OR2A12: variants seen among roughly 807,000 people sequenced by gnomAD.
OR2A12 encodes the protein olfactory receptor 2A12.
For missense variants in OR2A12, 380 were observed against 372.5 expected (o/e 1.02, Z -0.17); for synonymous variants, 153 against 149.3 (o/e 1.02, Z -0.18).
chr7:144,097,334 A>T lies in OR2A12; in HGVS notation c.*1294A>T, dbSNP rs1258160731. On this transcript the variant is annotated 3_prime_UTR_variant, in exon 2 of 2. Transcript: ENST00000641592. ...CAAAAGCTCTAAAGAGACAATTAAA[A>T]ATTTATTGAGAGACTATGGTAAATA... is the stretch of plus-strand genomic sequence containing the variant. The T allele has an allele frequency of 6.6e-6, 1 of 152,180 alleles. No homozygotes were observed. The highest frequency in any genetic ancestry group is 1.5e-5 in the Non-Finnish European group (1 of 68,026). The allele number at this position is 152,180 out of a possible 1,614,324, so 9.4% of individuals were successfully genotyped here.
chr7:144,090,077 A>G (rs1039281202), intron 1 of OR2A12, among the ~76,000 whole-genome samples: 4 of 152,154 alleles, frequency 2.6e-5, no homozygotes, highest in Admixed American at 2.6e-4. Context: ...AAAATTGTGG[A>G]ATGACAGCTT....
intron 1 of OR2A12, among the ~76,000 whole-genome samples, chr7:144,087,934 C>A (rs2051198440): frequency 1.3e-5 from 2 of 152,200 alleles, no homozygotes; most frequent in Non-Finnish European, 2.9e-5. Flanking sequence ...GGATAGCCAA[C>A]CGACACAGCA....
intron 1 of OR2A12, among the ~76,000 whole-genome samples, chr7:144,094,369 T>G (rs1360572389): frequency 6.6e-6 from 1 of 152,196 alleles, no homozygotes; most frequent in Non-Finnish European, 1.5e-5. Context: ...TTAAAACTTC[T>G]TTCATGGCCC....
chr7:144,088,726 A>C (rs928418042), intron 1 of OR2A12, among the ~76,000 whole-genome samples: 1 of 152,352 alleles, frequency 6.6e-6, no homozygotes, highest in Non-Finnish European at 1.5e-5. Context: ...TAATTTTAAT[A>C]GTTCATTGAT....
rs371662126 is a variant in OR2A12 at position 144,095,207 on chromosome 7, T to C, written c.100T>C (p.Tyr34His). 130 of 1,614,006 alleles carry C rather than the reference T, an allele frequency of 8.1e-5. No homozygotes were observed. The East Asian group carries it at 2.6e-3, about 32-fold the overall frequency. The change falls in exon 2 of 2, where the codon TAC (tyrosine) becomes CAC (histidine). Residue 34 changes from tyrosine to histidine, a missense_variant. Coordinates refer to ENST00000641592, the MANE Select transcript of OR2A12 (RefSeq NM_001004135.2). ...CCTCTTTGGGTTTTTCTTGCTATTC[T>C]ACAGCTTAACCCTGATGGGAAATGG... Reference protein sequence around the residue: ...LFLFGFFLLFYSLTLMGNGII... With the variant: ...LFLFGFFLLFHSLTLMGNGII...
chr7:144,095,987 G>A lies in OR2A12; in HGVS notation c.880G>A (p.Ala294Thr). Residue 294 changes from alanine (A) to threonine (T), a missense_variant, in exon 2 of 2, where the codon GCA becomes ACA. By Grantham distance (58) the Ala-to-Thr change is moderately conservative. Coordinates refer to ENST00000641592, the MANE Select transcript of OR2A12 (RefSeq NM_001004135.2). ...CCCCCTCATCTACAGCCTTAGGAAT[G>A]CAGAGGTGAAAGGGGCTCTAAAGAG... ...LNPLIYSLRN[A>T]EVKGALKRVL... 6.2e-7 allele frequency: 1 copy of A among 1,613,172 alleles called. No homozygotes were observed. Among genetic ancestry groups the A allele is most frequent in the Non-Finnish European group, 8.5e-7 (1 of 1,179,580 alleles).
chr7:144,095,535 T>C lies in OR2A12; in HGVS notation c.428T>C (p.Leu143Pro). ...LIMNWRVCTV[L>P]ASTCWIFSFL... ...ATGAACTGGAGAGTGTGCACTGTCCTGGCCTCAACTTGCTGGATATTTAGC... is the reference window on the plus strand; with the variant it reads ...ATGAACTGGAGAGTGTGCACTGTCCCGGCCTCAACTTGCTGGATATTTAGC... The change falls in exon 2 of 2, where the codon CTG becomes CCG. Residue 143 changes from leucine to proline, a missense_variant. Leu to Pro is a moderately conservative substitution (Grantham distance 98). Transcript: ENST00000641592. 1.2e-6 allele frequency: 2 copies of C among 1,614,138 alleles called. No individual in the cohort carries two copies.
At chr7:144,093,417 T>C (rs1033301209) in intron 1 of OR2A12, among the ~76,000 whole-genome samples, 2 of 152,184 alleles carry the variant, frequency 1.3e-5, no homozygotes, top group Admixed American at 6.5e-5. Flanking sequence ...ACACAACTTC[T>C]TCCCTTTAAT....
intron 1 of OR2A12, among the ~76,000 whole-genome samples, chr7:144,089,297 T>C (rs1165218146): frequency 1.3e-5 from 2 of 151,956 alleles, no homozygotes; most frequent in Non-Finnish European, 2.9e-5. Context: ...TTAATCTCGG[T>C]GTGGGGGTGT....
At chr7:144,088,006 T>C (rs891557382) in intron 1 of OR2A12, among the ~76,000 whole-genome samples, 1 of 152,154 alleles carries the variant, frequency 6.6e-6, no homozygotes, top group African/African-American at 2.4e-5. Flanking sequence ...GTGCATATTC[T>C]TCTGGATTTT....
In OR2A12 at chr7:144,090,961, C is replaced by G. The variant is rs537154073; in HGVS notation, c.-51-4096C>G. 8.5e-5 allele frequency among the ~76,000 whole-genome samples: 13 copies of G among 152,222 alleles called. No homozygotes were observed. The South Asian group carries it at 2.7e-3, about 32-fold the overall frequency. On this transcript the variant is annotated intron_variant, in intron 1 of 1. Transcript: ENST00000641592. ...TTTAATATTTAGGTTGATTCCATGT[C>G]TTTACTATTACGAATAGTGCTGCAG...
Position 144,095,890 on chromosome 7 carries a change from C to T in OR2A12, c.783C>T (p.Pro261=). 6.2e-7 allele frequency: 1 copy of T among 1,614,120 alleles called. No individual in the cohort carries two copies. Among genetic ancestry groups the T allele is most frequent in the Non-Finnish European group, 8.5e-7 (1 of 1,180,020 alleles). ...GCGCCATTGTCATGTACATGGCCCC[C>T]AAGTCAAGCCATTCTCAAGAACGGA... ...FGSAIVMYMA[P]KSSHSQERRK... Residue 261 remains proline (P), a synonymous_variant, in exon 2 of 2, where the codon CCC becomes CCT. Transcript: ENST00000641592.
In OR2A12 at chr7:144,096,300, C is replaced by CA. The variant is rs1176239273; in HGVS notation, c.*265dup. The CA allele has an allele frequency of 5.3e-5, 13 of 245,058 alleles. No individual in the cohort carries two copies. Among genetic ancestry groups the CA allele is most frequent in the Admixed American group, 1.5e-4 (3 of 19,964 alleles). The allele number at this position is 245,058 out of a possible 1,614,324, so 15.2% of individuals were successfully genotyped here. On this transcript the variant is annotated 3_prime_UTR_variant, in exon 2 of 2. Coordinates refer to ENST00000641592, the MANE Select transcript of OR2A12 (RefSeq NM_001004135.2). ...CGAAACACTGTCTCTATTAAAAATA[C>CA]AAAAATTAGCCGGGCGTGCTGGTGG... is the stretch of plus-strand genomic sequence containing the variant.
intron 1 of OR2A12, among the ~76,000 whole-genome samples, chr7:144,093,334 G>A (rs1005533472): frequency 6.6e-6 from 1 of 152,004 alleles, no homozygotes; most frequent in African/African-American, 2.4e-5. Context: ...TCTCTAAGTG[G>A]TGCTTTCAAA....
chr7:144,087,767 G>A (rs369722884), intron 1 of OR2A12, among the ~76,000 whole-genome samples: 3 of 152,232 alleles, frequency 2.0e-5, no homozygotes, highest in East Asian at 3.9e-4. Flanking sequence ...TTTCAGTGTG[G>A]ATTGTTTAAG....
intron 1 of OR2A12, among the ~76,000 whole-genome samples, chr7:144,087,253 G>T (rs2051193691): frequency 6.6e-6 from 1 of 152,084 alleles, no homozygotes; most frequent in African/African-American, 2.4e-5. Flanking sequence ...TTTCTTTGTT[G>T]CCCTGGAGGG....
chr7:144,094,393 G>A (rs191510764), intron 1 of OR2A12, among the ~76,000 whole-genome samples: 45 of 152,218 alleles, frequency 3.0e-4, no homozygotes, highest in African/African-American at 1.0e-3. Flanking sequence ...TCCAAGCCCT[G>A]AGCTTCAAAC....
intron 1 of OR2A12, among the ~76,000 whole-genome samples, chr7:144,093,774 A>C (rs1340788325): frequency 6.6e-6 from 1 of 151,756 alleles, no homozygotes; most frequent in Non-Finnish European, 1.5e-5. Context: ...GATGGTTTCC[A>C]GCTTCATCCA....
rs923741349 is a variant in OR2A12 at position 144,097,785 on chromosome 7, C to T, written c.*1745C>T. On this transcript the variant is annotated 3_prime_UTR_variant, in exon 2 of 2. Coordinates refer to ENST00000641592, the MANE Select transcript of OR2A12 (RefSeq NM_001004135.2). Reference sequence around the variant, plus strand: ...TTTGAAGTAAATGGTGTTGGGACAACCAAGTCTTTATAAAGATATTCAAAT... The same window carrying T: ...TTTGAAGTAAATGGTGTTGGGACAATCAAGTCTTTATAAAGATATTCAAAT... The T allele has an allele frequency of 2.0e-5, 3 of 152,076 alleles. No homozygotes were observed. The highest frequency in any genetic ancestry group is 7.2e-5 in the African/African-American group (3 of 41,400). 9.4% of individuals were successfully genotyped at this position (152,076 alleles called of 1,614,324 possible).
Sources: gnomAD v4.1 joint callset for allele counts (sites outside exome capture counted in the v4.1 genomes callset) on GRCh38, gnomAD v4.1.1 for gene constraint, MANE v1.5 for transcripts, NCBI Gene and HGNC (gene_info 2026-07-23, HGNC 2026-07-21) for gene names.